GPR137C: variants seen among roughly 807,000 people sequenced by gnomAD.
GPR137C encodes the protein G protein-coupled receptor 137C, also known as integral membrane protein GPR137C.
GPR137C carries 27 observed loss-of-function variants against 43.4 expected under a neutral mutation model. The ratio of observed to expected loss-of-function variants is 0.62; its 90% CI spans 0.46 to 0.86. The LOEUF is 0.86. Ranked by LOEUF, GPR137C falls within the 40% of genes least tolerant of loss-of-function variation. The pLI is 0.00. For synonymous variants in GPR137C, 285 were observed against 226.9 expected (o/e 1.26, Z -2.30); for missense variants, 522 against 534.6 (o/e 0.98, Z 0.23).
At position 52,608,668 on chromosome 14, in the gene GPR137C, T is replaced by G. The variant is rs148304640; in HGVS notation, c.717+8327T>G. On this transcript the variant is annotated intron_variant, in intron 3 of 6. Coordinates refer to ENST00000321662, the MANE Select transcript of GPR137C (RefSeq NM_001099652.2). ...AGTTTTTGTTTGTGAAAGTCTCTCT[T>G]TCACTTCTAAATAATAGCTTTGCTA... Among the ~76,000 whole-genome samples, 84 of 152,226 alleles carry G rather than the reference T, an allele frequency of 5.5e-4. 1 individual carries two copies. The highest frequency in any genetic ancestry group is 2.0e-3 in the African/African-American group (83 of 41,572).
At chr14:52,567,442 T>A (rs1302874876) in intron 1 of GPR137C, among the ~76,000 whole-genome samples, 3 of 152,224 alleles carry the variant, frequency 2.0e-5, no homozygotes, top group Non-Finnish European at 4.4e-5. Context: ...ATGGTAATAT[T>A]TGAGATACCT....
intron 1 of GPR137C, among the ~76,000 whole-genome samples, chr14:52,581,735 G>A (rs1408475315): frequency 1.6e-4 from 24 of 152,088 alleles, no homozygotes; most frequent in Admixed American, 1.6e-3. Flanking sequence ...TACTTAATTG[G>A]ATATGTATGC....
chr14:52,590,955 A>G (rs2038774230), intron 1 of GPR137C, among the ~76,000 whole-genome samples: 2 of 151,962 alleles, frequency 1.3e-5, no homozygotes, highest in African/African-American at 4.8e-5. Context: ...TACATTAGCT[A>G]TTTCTCCTAA....
At position 52,632,227 on chromosome 14, in the gene GPR137C, G is replaced by A. The variant is rs1322688321; in HGVS notation, c.785G>A (p.Cys262Tyr). The change falls in exon 4 of 7, where the codon TGT becomes TAT. Residue 262 changes from cysteine (C) to tyrosine (Y), a missense_variant. Cys to Tyr is a radical substitution (Grantham distance 194). This residue lies in a region of GPR137C where 437 missense variants were observed against 425.7 expected (regional missense o/e 1.03). Transcript: ENST00000321662. ...ATTCTTCTGTACTCTTCCAGAGCTT[G>A]TTATAATTTGGTGGTGGTCACCATA... ...VVILLYSSRACYNLVVVTISQ... is the reference protein window; with the variant it reads ...VVILLYSSRAYYNLVVVTISQ... The A allele has an allele frequency of 1.2e-6, 2 of 1,608,564 alleles. No homozygotes were observed. Among genetic ancestry groups the A allele is most frequent in the Non-Finnish European group, 1.7e-6 (2 of 1,175,038 alleles).
At chr14:52,565,839 G>A (rs1195949884) in intron 1 of GPR137C, among the ~76,000 whole-genome samples, 1 of 152,150 alleles carries the variant, frequency 6.6e-6, no homozygotes, top group Non-Finnish European at 1.5e-5. Context: ...CCCTGAACAA[G>A]GAATCTGGGA....
At chr14:52,626,261 A>G (rs2039226379) in intron 3 of GPR137C, among the ~76,000 whole-genome samples, 1 of 152,186 alleles carries the variant, frequency 6.6e-6, no homozygotes, top group Admixed American at 6.5e-5. Context: ...CTTACAGACT[A>G]GTGTCCCTAA....
chr14:52,570,557 G>A (rs1038644308), intron 1 of GPR137C, among the ~76,000 whole-genome samples: 1 of 152,112 alleles, frequency 6.6e-6, no homozygotes, highest in East Asian at 1.9e-4. Flanking sequence ...CTGGCAATTT[G>A]GATAAAGAGT....
intron 1 of GPR137C, among the ~76,000 whole-genome samples, chr14:52,580,094 G>A (rs963234857): frequency 3.9e-5 from 6 of 152,090 alleles, no homozygotes; most frequent in African/African-American, 1.2e-4. Context: ...TTTTCTGCAC[G>A]TACACCCATC....
At chr14:52,572,843 A>T (rs991509942) in intron 1 of GPR137C, among the ~76,000 whole-genome samples, 1 of 152,176 alleles carries the variant, frequency 6.6e-6, no homozygotes, top group African/African-American at 2.4e-5. Flanking sequence ...TATACTTAGA[A>T]AACCCCATTG....
At chr14:52,567,819 C>T (rs1397438079) in intron 1 of GPR137C, among the ~76,000 whole-genome samples, 1 of 152,038 alleles carries the variant, frequency 6.6e-6, no homozygotes, top group Non-Finnish European at 1.5e-5. Context: ...GCCTCCACGC[C>T]TGGCTAATTT....
intron 1 of GPR137C, among the ~76,000 whole-genome samples, chr14:52,572,269 C>A (rs946266321): frequency 1.3e-5 from 2 of 152,170 alleles, no homozygotes; most frequent in Admixed American, 6.5e-5. Context: ...CATCCTGATA[C>A]CAAAACCTGG....
chr14:52,580,789 A>ATATATTTATATTTATATATTATT (rs2038632297), intron 1 of GPR137C, among the ~76,000 whole-genome samples: 1 of 145,302 alleles, frequency 6.9e-6, no homozygotes, highest in African/African-American at 2.5e-5. Context: ...TATCTACTAA[A>ATATATTTATATTTATATATTATT]TATATTTATA....
intron 1 of GPR137C, among the ~76,000 whole-genome samples, chr14:52,590,294 T>C (rs1264109553): frequency 6.6e-6 from 1 of 151,940 alleles, no homozygotes; most frequent in African/African-American, 2.4e-5. Context: ...AGAAAGAAAA[T>C]ATTTTTGTAC....
At chr14:52,560,517 G>A (rs1010251372) in intron 1 of GPR137C, among the ~76,000 whole-genome samples, 3 of 152,152 alleles carry the variant, frequency 2.0e-5, no homozygotes, top group African/African-American at 4.8e-5. Context: ...TAACTGTAAA[G>A]CTACAGTAAT....
chr14:52,561,636 C>T (rs1288001529), intron 1 of GPR137C, among the ~76,000 whole-genome samples: 3 of 152,152 alleles, frequency 2.0e-5, no homozygotes, highest in Non-Finnish European at 4.4e-5. Flanking sequence ...GAATACCACT[C>T]AGTAGTAAAA....
intron 1 of GPR137C, among the ~76,000 whole-genome samples, chr14:52,583,543 C>T (rs2038675597): frequency 6.6e-6 from 1 of 152,148 alleles, no homozygotes; most frequent in African/African-American, 2.4e-5. Flanking sequence ...CACCCTGTAC[C>T]GATTCTTGTC....
At chr14:52,609,255 G>C (rs759376631) in intron 3 of GPR137C, among the ~76,000 whole-genome samples, 11 of 151,854 alleles carry the variant, frequency 7.2e-5, no homozygotes, top group Non-Finnish European at 2.9e-5. Context: ...GTTTCTGTTT[G>C]ATTGTTTTTA....
chr14:52,596,011 G>T (rs1267008979), intron 1 of GPR137C, among the ~76,000 whole-genome samples: 1 of 152,180 alleles, frequency 6.6e-6, no homozygotes, highest in Admixed American at 6.5e-5. Context: ...TGGTGTGGAT[G>T]TCCTTTTTGT....
chr14:52,556,786 AT>A (rs528750510), intron 1 of GPR137C, among the ~76,000 whole-genome samples: 9 of 148,394 alleles, frequency 6.1e-5, no homozygotes, highest in Middle Eastern at 3.4e-3. Context: ...CTGAATCTAA[AT>A]TTTTTTTTTT....
Sources: gnomAD v4.1 joint callset for allele counts (sites outside exome capture counted in the v4.1 genomes callset) on GRCh38, gnomAD v4.1.1 for gene constraint, gnomAD v4.1.1 regional missense constraint, MANE v1.5 for transcripts, NCBI Gene and HGNC (gene_info 2026-07-23, HGNC 2026-07-21) for gene names.